Variants in RGS7 observed in about 807,000 individuals in gnomAD.
RGS7 encodes regulator of G-protein signaling 7.
RGS7 carries 27 observed loss-of-function variants against 81.1 expected under a neutral mutation model. That is an observed-to-expected ratio of 0.33 (90% CI 0.25 to 0.46). RGS7 has a LOEUF of 0.46. Ranked by LOEUF, RGS7 falls within the 20% of genes least tolerant of loss-of-function variation. The pLI is 1.00. For missense variants in RGS7, 396 were observed against 607.4 expected (o/e 0.65, Z 3.66); for synonymous variants, 208 against 207.7 (o/e 1.00, Z -0.01).
intron 4 of RGS7, among the ~76,000 whole-genome samples, chr1:240,950,981 G>C (rs750384748): frequency 1.3e-5 from 2 of 151,434 alleles, no homozygotes; most frequent in Non-Finnish European, 2.9e-5. Context: ...GAGTGTAGTA[G>C]TGTGATCATG....
intron 2 of RGS7, among the ~76,000 whole-genome samples, chr1:241,188,730 T>C (rs951381480): frequency 6.6e-6 from 1 of 152,200 alleles, no homozygotes; most frequent in African/African-American, 2.4e-5. Context: ...AATGGTTCTC[T>C]GACATTATTG....
chr1:240,778,923 A>G (rs934646933), intron 18 of RGS7, among the ~76,000 whole-genome samples: 1 of 152,028 alleles, frequency 6.6e-6, no homozygotes, highest in Non-Finnish European at 1.5e-5. Context: ...CAGTTTATTA[A>G]CAACAGACCC....
At chr1:240,889,869 T>C (rs1001849584) in intron 6 of RGS7, among the ~76,000 whole-genome samples, 2 of 152,104 alleles carry the variant, frequency 1.3e-5, no homozygotes, top group Non-Finnish European at 2.9e-5. Context: ...TGTCCCCTCC[T>C]CCATCGCATG....
chr1:241,237,996 C>T (rs189332178), intron 2 of RGS7, among the ~76,000 whole-genome samples: 3 of 152,286 alleles, frequency 2.0e-5, no homozygotes, highest in South Asian at 2.1e-4. Flanking sequence ...CCGCCAAGAC[C>T]GTCGCTGGGA....
At chr1:241,316,172 CTAGAGA>C (rs147712935) in intron 2 of RGS7, among the ~76,000 whole-genome samples, 2,901 of 152,262 alleles carry the variant, frequency 0.019, 84 homozygotes, top group African/African-American at 0.066. Flanking sequence ...CACTATCTAC[CTAGAGA>C]TAGTGTTTCC....
intron 2 of RGS7, among the ~76,000 whole-genome samples, chr1:241,170,353 C>T (rs1194582624): frequency 1.3e-5 from 2 of 152,008 alleles, no homozygotes; most frequent in Non-Finnish European, 2.9e-5. Context: ...TAAAAAAATA[C>T]ATATTTTACA....
At chr1:240,850,483 C>T (rs960498834) in intron 9 of RGS7, among the ~76,000 whole-genome samples, 1 of 152,168 alleles carries the variant, frequency 6.6e-6, no homozygotes, top group Non-Finnish European at 1.5e-5. Context: ...GCTGCATCTT[C>T]CACTCTTCAG....
intron 2 of RGS7, among the ~76,000 whole-genome samples, chr1:241,300,376 T>C (rs1272834844): frequency 1.3e-5 from 2 of 152,222 alleles, no homozygotes; most frequent in Non-Finnish European, 2.9e-5. Flanking sequence ...TATCCACCAT[T>C]AGGGTATCAA....
intron 12 of RGS7, 125 bp from the exon 13 acceptor site, chr1:240,813,853 C>CA: frequency 1.4e-6 from 1 of 696,164 alleles, no homozygotes; most frequent in Non-Finnish European, 2.6e-6. Context: ...GCATGAAATC[C>CA]AATGGCAATC....
At chr1:240,962,271 G>T (rs1276973532) in intron 4 of RGS7, among the ~76,000 whole-genome samples, 3 of 152,000 alleles carry the variant, frequency 2.0e-5, no homozygotes, top group African/African-American at 7.3e-5. Flanking sequence ...CCTCTATGTG[G>T]CTGCTGTCAC....
chr1:241,341,596 G>A (rs1277668751), intron 2 of RGS7, among the ~76,000 whole-genome samples: 1 of 151,938 alleles, frequency 6.6e-6, no homozygotes, highest in African/African-American at 2.4e-5. Flanking sequence ...GAAGGAAGGA[G>A]AGAGGGAAAG....
chr1:241,102,837 C>T lies in RGS7; in HGVS notation c.79-4075G>A, dbSNP rs2815836. ...TCTCAATCACTCATTTTGGTTGTCA[C>T]AGTCACCAAGTCCACATAAAAAAAC... On this transcript the variant is annotated intron_variant, in intron 2 of 18. Transcript: ENST00000440928. Among the ~76,000 whole-genome samples the T allele has an allele frequency of 4.6e-5, 7 of 152,206 alleles. No individual in the cohort carries two copies. The East Asian group carries it at 1.4e-3, about 29-fold the overall frequency.
At chr1:240,947,606 C>A (rs1678853628) in intron 4 of RGS7, among the ~76,000 whole-genome samples, 1 of 152,160 alleles carries the variant, frequency 6.6e-6, no homozygotes, top group Non-Finnish European at 1.5e-5. Context: ...TCTTATCAGC[C>A]ACCCACATCC....
In RGS7 at chr1:241,063,953, G is replaced by A. The variant is rs559090265; in HGVS notation, c.175+34713C>T. 5.3e-5 allele frequency among the ~76,000 whole-genome samples: 8 copies of A among 152,224 alleles called. No individual in the cohort carries two copies. In the East Asian group the frequency reaches 1.4e-3, roughly 26 times the overall value. On this transcript the variant is annotated intron_variant, in intron 3 of 18. Coordinates refer to ENST00000440928, the MANE Select transcript of RGS7 (RefSeq NM_001364886.1). ...AATCCCAGCACTTTGGGAGGCCAAG[G>A]TGGGCGGATCACCTGAGGCTGGGAG...
At chr1:240,961,469 T>C (rs981937278) in intron 4 of RGS7, among the ~76,000 whole-genome samples, 1 of 152,156 alleles carries the variant, frequency 6.6e-6, no homozygotes, top group Admixed American at 6.5e-5. Context: ...CTTTAGAAAT[T>C]TACTATTAAT....
intron 4 of RGS7, among the ~76,000 whole-genome samples, chr1:240,961,333 C>T (rs16841162): frequency 6.6e-6 from 1 of 152,106 alleles, no homozygotes; most frequent in African/African-American, 2.4e-5. Flanking sequence ...ATCTCCTCCT[C>T]ATCAGATAAT....
chr1:241,258,547 A>C (rs931541738), intron 2 of RGS7, among the ~76,000 whole-genome samples: 2 of 152,356 alleles, frequency 1.3e-5, no homozygotes, highest in East Asian at 3.9e-4. Flanking sequence ...AATTAAGTAG[A>C]TAAAAGGAGG....
chr1:241,115,318 G>A (rs10157721), intron 2 of RGS7, among the ~76,000 whole-genome samples: 3,735 of 152,230 alleles, frequency 0.025, 157 homozygotes, highest in African/African-American at 0.086. Context: ...GAATTAAGTT[G>A]TTGGTTTAAA....
At position 240,901,499 on chromosome 1, in the gene RGS7, C is replaced by T. The variant is rs112723742; in HGVS notation, c.385+29218G>A. Among the ~76,000 whole-genome samples the T allele has an allele frequency of 2.5e-4, 38 of 152,340 alleles. No homozygotes were observed. The South Asian group carries it at 5.4e-3, about 22-fold the overall frequency. On this transcript the variant is annotated intron_variant, in intron 6 of 18. Transcript: ENST00000440928. ...AATGCAAGAATAACCTACCACACCACGTATTCCAAGGGCTCGAAAGCCTGA... is the reference window on the plus strand; with the variant it reads ...AATGCAAGAATAACCTACCACACCATGTATTCCAAGGGCTCGAAAGCCTGA...
Sources: gnomAD v4.1 joint callset for allele counts (sites outside exome capture counted in the v4.1 genomes callset) on GRCh38, gnomAD v4.1.1 for gene constraint, MANE v1.5 for transcripts, NCBI Gene and HGNC (gene_info 2026-07-23, HGNC 2026-07-21) for gene names.